DCDC2: variants seen among roughly 807,000 people sequenced by gnomAD.
DCDC2 encodes the protein doublecortin domain containing 2, also known as doublecortin domain-containing protein 2.
Under a neutral mutation model 50.2 loss-of-function variants are expected in DCDC2, and 40 were observed. The ratio of observed to expected loss-of-function variants is 0.80; its 90% CI spans 0.62 to 1.04. The LOEUF is 1.04. DCDC2 is among the 50% of genes least tolerant of loss of function. The pLI is 0.00. For synonymous variants in DCDC2, 234 were observed against 210.6 expected, an observed-to-expected ratio of 1.11 and a Z score of -0.96; for missense variants, 570 against 581.9, an observed-to-expected ratio of 0.98 and a Z score of 0.21.
intron 2 of DCDC2, among the ~76,000 whole-genome samples, chr6:24,345,946 G>A (rs1367454471): frequency 4.6e-5 from 7 of 151,806 alleles, no homozygotes; most frequent in South Asian, 2.1e-4. Context: ...TTGGGAGGCC[G>A]AGCAGGTGGA....
chr6:24,178,179 G>A (rs973719863), intron 9 of DCDC2, 151 bp downstream of exon 9: 3 of 769,796 alleles, frequency 3.9e-6, no homozygotes, highest in Non-Finnish European at 6.4e-6. Flanking sequence ...TAACTAGTAA[G>A]TAAAGGGATT....
chr6:24,270,254 G>T (rs1355494323), intron 7 of DCDC2, among the ~76,000 whole-genome samples: 1 of 152,106 alleles, frequency 6.6e-6, no homozygotes, highest in Non-Finnish European at 1.5e-5. Flanking sequence ...TGGGCAAACT[G>T]GTTTCTCCTC....
intron 7 of DCDC2, among the ~76,000 whole-genome samples, chr6:24,273,114 G>C (rs1346701964): frequency 6.6e-6 from 1 of 151,956 alleles, no homozygotes. Context: ...TCATAAAAAT[G>C]AAATCATGTC....
intron 7 of DCDC2, among the ~76,000 whole-genome samples, chr6:24,243,413 G>C (rs1762604603): frequency 1.3e-5 from 2 of 152,202 alleles, no homozygotes; most frequent in Non-Finnish European, 1.5e-5. Flanking sequence ...TCTGGGTAAA[G>C]TACCACATCT....
At position 24,320,021 on chromosome 6, in the gene DCDC2, G is replaced by A. The variant is rs189442747; in HGVS notation, c.349-17977C>T. ...GTGAAGGAAGAAACTAACCCAAAGA[G>A]CTTGGGAAAACGGTATTCTTACTAT... On this transcript the variant is annotated intron_variant, in intron 2 of 9. Coordinates refer to ENST00000378454, the MANE Select transcript of DCDC2 (RefSeq NM_016356.5). Among the ~76,000 whole-genome samples the A allele has an allele frequency of 8.2e-4, 125 of 152,232 alleles. 1 individual carries two copies. The highest frequency in any genetic ancestry group is 2.8e-3 in the African/African-American group (118 of 41,534).
intron 2 of DCDC2, among the ~76,000 whole-genome samples, chr6:24,335,152 A>G (rs910176720): frequency 2.6e-5 from 4 of 152,180 alleles, no homozygotes; most frequent in East Asian, 3.9e-4. Flanking sequence ...ACAGCCCCCA[A>G]AATTGAAGGG....
At chr6:24,192,039 T>C (rs1379408910) in intron 8 of DCDC2, among the ~76,000 whole-genome samples, 3 of 152,136 alleles carry the variant, frequency 2.0e-5, no homozygotes, top group Non-Finnish European at 4.4e-5. Context: ...AATAGGTAGA[T>C]TGGCTCAGAG....
rs1209633765 is a variant in DCDC2, at chr6:24,306,543, T to TAGATAGATAGAC, written c.349-4500_349-4499insGTCTATCTATCT. The stretch of plus-strand genomic sequence containing the variant: ...ATAGATAGATAGATAGATAGATAGA[T>TAGATAGATAGAC]AGACAGACAGACAGACAGACAGACA... On this transcript the variant is annotated intron_variant, in intron 2 of 9. Coordinates refer to ENST00000378454, the MANE Select transcript of DCDC2 (RefSeq NM_016356.5). 1.3e-3 allele frequency among the ~76,000 whole-genome samples: 156 copies of TAGATAGATAGAC among 115,722 alleles called. 1 individual carries two copies. Among genetic ancestry groups the TAGATAGATAGAC allele is most frequent in the East Asian group, 3.0e-3 (11 of 3,704 alleles). The allele number at this position is 115,722 out of a possible 152,430, so 75.9% of individuals were successfully genotyped here.
chr6:24,362,707 T>C (rs1247321125), upstream of DCDC2, among the ~76,000 whole-genome samples: 1 of 152,180 alleles, frequency 6.6e-6, no homozygotes, highest in African/African-American at 2.4e-5. Context: ...ACTCGAAACG[T>C]TCACGGGATC....
At chr6:24,210,191 A>C (rs924953187) in intron 7 of DCDC2, among the ~76,000 whole-genome samples, 2 of 150,422 alleles carry the variant, frequency 1.3e-5, no homozygotes, top group African/African-American at 4.9e-5. Context: ...TCAGAGCTGC[A>C]TTGTGGATCA....
intron 8 of DCDC2, among the ~76,000 whole-genome samples, chr6:24,196,966 G>C (rs1434954887): frequency 6.6e-6 from 1 of 152,172 alleles, no homozygotes; most frequent in Non-Finnish European, 1.5e-5. Context: ...GTAAACGTCA[G>C]CAGACCATAG....
chr6:24,277,973 T>C, intron 7 of DCDC2, 76 bp downstream of exon 7: 1 of 1,216,604 alleles, frequency 8.2e-7, no homozygotes, highest in Non-Finnish European at 1.1e-6. Flanking sequence ...ATATCTTCTG[T>C]GGGCCCAGAG....
chr6:24,241,802 A>C (rs572843015), intron 7 of DCDC2, among the ~76,000 whole-genome samples: 3 of 152,252 alleles, frequency 2.0e-5, no homozygotes, highest in African/African-American at 7.2e-5. Flanking sequence ...CCCTAAAGAC[A>C]GTAGAATATA....
In DCDC2 at chr6:24,289,971, C is replaced by CTT. The variant is rs3077132; in HGVS notation, c.704+959_704+960dup. ...TCCTGCAGCATGGGCCAGAGCTCTT[C>CTT]TTTTTTTTTTTTTTTTTTTTTTTTT... On this transcript the variant is annotated intron_variant, in intron 5 of 9. Coordinates refer to ENST00000378454, the MANE Select transcript of DCDC2 (RefSeq NM_016356.5). Among the ~76,000 whole-genome samples the CTT allele has an allele frequency of 2.0e-4, 12 of 61,042 alleles. 2 individuals are homozygous for CTT. Among genetic ancestry groups the CTT allele is most frequent in the Admixed American group, 4.6e-4 (2 of 4,356 alleles). 40.0% of individuals were successfully genotyped at this position (61,042 alleles called of 152,430 possible).
chr6:24,290,998 T>A lies in DCDC2; in HGVS notation c.638A>T (p.Asp213Val), dbSNP rs534673716. 1 of 1,613,896 alleles carries A rather than the reference T, an allele frequency of 6.2e-7. No individual in the cohort carries two copies. Residue 213 changes from aspartate to valine, a missense_variant, in exon 5 of 10, where the codon GAT (aspartate) becomes GTT (valine). Asp to Val is a radical substitution (Grantham distance 152, BLOSUM62 -3). Transcript: ENST00000378454. ...ACTGTAAGGCAGTTTCTTAAACTTA[T>A]CTCTGCCAACAGCCACATAAAACTG... ...NGQFYVAVGR[D>V]KFKKLPYSEL... is the part of the protein sequence containing the mutation.
At chr6:24,205,499 C>T (rs1264288125) in intron 7 of DCDC2, among the ~76,000 whole-genome samples, 1 of 152,016 alleles carries the variant, frequency 6.6e-6, no homozygotes, top group African/African-American at 2.4e-5. Context: ...AGAAATTTAC[C>T]TTTCCCAAGA....
chr6:24,231,735 G>A (rs1328876277), intron 7 of DCDC2, among the ~76,000 whole-genome samples: 2 of 151,966 alleles, frequency 1.3e-5, no homozygotes, highest in Non-Finnish European at 2.9e-5. Context: ...TTTATGTGAT[G>A]AAAAGGTTGT....
At chr6:24,322,552 T>A (rs1161320556) in intron 2 of DCDC2, among the ~76,000 whole-genome samples, 2 of 149,506 alleles carry the variant, frequency 1.3e-5, no homozygotes, top group Non-Finnish European at 3.0e-5. Context: ...CCCTTTTAAG[T>A]CCAGTAAGAA....
intron 7 of DCDC2, among the ~76,000 whole-genome samples, chr6:24,262,564 C>A (rs181423380): frequency 6.6e-6 from 1 of 152,312 alleles, no homozygotes; most frequent in East Asian, 1.9e-4. Context: ...CCTCCCCCAA[C>A]CCCAAGCAGT....
Sources: allele counts gnomAD v4.1 joint callset (sites outside exome capture counted in the v4.1 genomes callset), GRCh38; gene constraint gnomAD v4.1.1; transcripts MANE v1.5; gene names NCBI Gene and HGNC (gene_info 2026-07-23, HGNC 2026-07-21).